Variants in IGF1R observed in about 807,000 individuals in gnomAD.
IGF1R encodes the protein insulin like growth factor 1 receptor, also known as insulin-like growth factor 1 receptor.
A neutral mutation model predicts 144.6 loss-of-function variants in IGF1R; 44 were observed. That is an observed-to-expected ratio of 0.30 (90% CI 0.24 to 0.39). IGF1R has a LOEUF of 0.39. Among genes scored for constraint, IGF1R ranks in the 10% least tolerant of loss-of-function variants. The pLI, the probability that IGF1R is intolerant of heterozygous loss-of-function variation, is 1.00. For synonymous variants in IGF1R, 795 were observed against 722.8 expected (o/e 1.10, Z -1.60); for missense variants, 1,355 against 1,833.7 (o/e 0.74, Z 4.77).
chr15:98,859,115 T>C (rs2012001196), intron 2 of IGF1R, among the ~76,000 whole-genome samples: 2 of 152,182 alleles, frequency 1.3e-5, no homozygotes, highest in Admixed American at 6.5e-5. Flanking sequence ...TTTTGGACTT[T>C]TAGAAACACA....
chr15:98,942,076 C>T (rs1783437387), intron 18 of IGF1R, among the ~76,000 whole-genome samples: 1 of 152,120 alleles, frequency 6.6e-6, no homozygotes, highest in African/African-American at 2.4e-5. Flanking sequence ...TCAGGGGCCT[C>T]GTAAATAGCA....
intron 2 of IGF1R, among the ~76,000 whole-genome samples, chr15:98,849,139 A>C (rs997078339): frequency 1.3e-5 from 2 of 152,256 alleles, no homozygotes; most frequent in Admixed American, 1.3e-4. Context: ...CAGGTATTAA[A>C]AACTTCCATA....
At chr15:98,681,404 C>T (rs2053186178) in intron 1 of IGF1R, among the ~76,000 whole-genome samples, 1 of 152,158 alleles carries the variant, frequency 6.6e-6, no homozygotes, top group Admixed American at 6.5e-5. Flanking sequence ...ATTGCAGTCT[C>T]GTGCAATGGG....
intron 5 of IGF1R, among the ~76,000 whole-genome samples, chr15:98,905,249 T>C (rs59933299): frequency 0.18 from 26,968 of 152,132 alleles, 3,184 homozygotes; most frequent in East Asian, 0.42. Context: ...GATTGGGAGA[T>C]AGGGCCTACC....
At chr15:98,846,645 G>C (rs2011339338) in intron 2 of IGF1R, among the ~76,000 whole-genome samples, 1 of 152,178 alleles carries the variant, frequency 6.6e-6, no homozygotes, top group Non-Finnish European at 1.5e-5. Flanking sequence ...CTGTATAGGT[G>C]ACACAGTGGA....
At chr15:98,951,971 T>A (rs2016792784) in intron 20 of IGF1R, among the ~76,000 whole-genome samples, 1 of 152,218 alleles carries the variant, frequency 6.6e-6, no homozygotes, top group African/African-American at 2.4e-5. Flanking sequence ...ACATCATCCC[T>A]GTGTTGTCAC....
At position 98,957,452 on chromosome 15, in the gene IGF1R, C is replaced by T. The variant is rs1377293987; in HGVS notation, c.*10C>T. On this transcript the variant is annotated 3_prime_UTR_variant, in exon 21 of 21. Transcript: ENST00000650285. ...GTCTTCGACCTGCTGATCCTTGGAT[C>T]CTGAATCTGTGCAAACAGTAACGTG... The T allele has an allele frequency of 6.2e-7, 1 of 1,612,778 alleles. No individual in the cohort carries two copies. Among genetic ancestry groups the T allele is most frequent in the Non-Finnish European group, 8.5e-7 (1 of 1,180,038 alleles).
chr15:98,763,086 A>G (rs1021908753), intron 2 of IGF1R, among the ~76,000 whole-genome samples: 4 of 151,972 alleles, frequency 2.6e-5, no homozygotes, highest in Admixed American at 6.6e-5. Context: ...ATATATTCCA[A>G]TGTTTAGTTT....
chr15:98,681,406 T>C (rs2053186375), intron 1 of IGF1R, among the ~76,000 whole-genome samples: 1 of 152,326 alleles, frequency 6.6e-6, no homozygotes, highest in African/African-American at 2.4e-5. Flanking sequence ...TGCAGTCTCG[T>C]GCAATGGGTG....
At chr15:98,686,452 A>C (rs191588747) in intron 1 of IGF1R, among the ~76,000 whole-genome samples, 3 of 152,362 alleles carry the variant, frequency 2.0e-5, no homozygotes, top group African/African-American at 7.2e-5. Flanking sequence ...TTGCTGGATC[A>C]TATGGCAGTT....
intron 2 of IGF1R, among the ~76,000 whole-genome samples, chr15:98,720,484 T>C (rs1339033669): frequency 6.6e-6 from 1 of 152,094 alleles, no homozygotes; most frequent in East Asian, 1.9e-4. Flanking sequence ...CAGTCGAACT[T>C]TTTAGGATGG....
At chr15:98,886,805 C>T (rs897553349) in intron 2 of IGF1R, among the ~76,000 whole-genome samples, 5 of 152,152 alleles carry the variant, frequency 3.3e-5, no homozygotes, top group African/African-American at 1.2e-4. Context: ...TTACAGCGGG[C>T]TCTGGGGCTG....
chr15:98,786,699 A>G (rs987814538), intron 2 of IGF1R, among the ~76,000 whole-genome samples: 16 of 152,038 alleles, frequency 1.1e-4, no homozygotes, highest in Admixed American at 9.2e-4. Context: ...TTGCATGTAC[A>G]TTTTCACTCA....
chr15:98,771,742 G>GAA (rs34724430), intron 2 of IGF1R, among the ~76,000 whole-genome samples: 3 of 151,948 alleles, frequency 2.0e-5, no homozygotes, highest in East Asian at 1.9e-4. Context: ...CATGAAAAGG[G>GAA]AAAAAATTTA....
intron 5 of IGF1R, among the ~76,000 whole-genome samples, chr15:98,900,994 A>C (rs2014453522): frequency 6.6e-6 from 1 of 152,194 alleles, no homozygotes; most frequent in African/African-American, 2.4e-5. Context: ...ATTAATTTCC[A>C]TTAGGAATTA....
At chr15:98,862,457 C>T (rs1003332808) in intron 2 of IGF1R, among the ~76,000 whole-genome samples, 4 of 152,222 alleles carry the variant, frequency 2.6e-5, no homozygotes, top group African/African-American at 7.2e-5. Context: ...AAAGGGCCCT[C>T]AACTTGGGAT....
intron 2 of IGF1R, among the ~76,000 whole-genome samples, chr15:98,859,099 A>G (rs2012000321): frequency 6.6e-6 from 1 of 152,136 alleles, no homozygotes; most frequent in African/African-American, 2.4e-5. Context: ...AAAAAGTCCA[A>G]ACTTTTTTTG....
intron 2 of IGF1R, among the ~76,000 whole-genome samples, chr15:98,778,574 G>A (rs1748110427): frequency 6.6e-6 from 1 of 152,240 alleles, no homozygotes; most frequent in Admixed American, 6.5e-5. Context: ...TTTCTCCAGG[G>A]GAGCAGGGTT....
In IGF1R at chr15:98,707,476, T is replaced by A; in HGVS notation, c.95-86T>A. 1.5e-6 allele frequency: 2 copies of A among 1,344,728 alleles called. No homozygotes were observed. Among genetic ancestry groups the A allele is most frequent in the Non-Finnish European group, 1.0e-6 (1 of 958,144 alleles). 83.3% of individuals were successfully genotyped at this position (1,344,728 alleles called of 1,614,324 possible). On this transcript the variant is annotated intron_variant, in intron 1 of 20. Transcript: ENST00000650285. The surrounding 1 kb of genome is among the most constrained non-coding windows in gnomAD (Gnocchi z 6.7). ...TTCTTTAATAATAATACAGGATTCC[T>A]GAAAACCAACTGTATTATTGTTTGG...
Sources: gnomAD v4.1 joint callset for allele counts (sites outside exome capture counted in the v4.1 genomes callset) on GRCh38, gnomAD v4.1.1 for gene constraint, Gnocchi (gnomAD v3.1) non-coding constraint, MANE v1.5 for transcripts, NCBI Gene and HGNC (gene_info 2026-07-23, HGNC 2026-07-21) for gene names.